TOM1: variants seen among roughly 807,000 people sequenced by gnomAD.
TOM1 encodes target of Myb protein 1.
A neutral mutation model predicts 61.3 loss-of-function variants in TOM1; 38 were observed. The observed-to-expected ratio is 0.62, with a 90% confidence interval of 0.48 to 0.81. The LOEUF is 0.81. Among genes scored for constraint, TOM1 ranks in the 40% least tolerant of loss-of-function variants. The probability of loss-of-function intolerance (pLI) is 0.00; values close to 1 mark genes in which losing one functional copy is unlikely to be tolerated. For missense variants in TOM1, 591 were observed against 659.6 expected, an observed-to-expected ratio of 0.90 and a Z score of 1.14; for synonymous variants, 270 against 268.8, an observed-to-expected ratio of 1.00 and a Z score of -0.04.
In TOM1 at chr22:35,333,435, T is replaced by A. The variant is rs1343137483; in HGVS notation, c.965T>A (p.Leu322Gln). 2.4e-5 allele frequency: 38 copies of A among 1,614,144 alleles called. No individual in the cohort carries two copies. The highest frequency in any genetic ancestry group is 3.2e-5 in the Non-Finnish European group (38 of 1,180,018). Residue 322 changes from leucine to glutamine, a missense_variant, in exon 10 of 15, where the codon CTG (leucine) becomes CAG (glutamine). Coordinates refer to ENST00000449058, the MANE Select transcript of TOM1 (RefSeq NM_005488.3). ...APSEAEPAAD[L>Q]IDMGPDPAAT... The stretch of plus-strand genomic sequence containing the variant: ...AGTGAGGCCGAGCCGGCAGCTGACC[T>A]GATCGACATGGGCCCTGACCCAGCA...
intron 1 of TOM1, among the ~76,000 whole-genome samples, chr22:35,303,971 AG>A (rs780102365): frequency 3.3e-5 from 5 of 152,220 alleles, no homozygotes; most frequent in Non-Finnish European, 7.3e-5. Context: ...GGAAGGAGGA[AG>A]GGAGAAAAGG....
In TOM1 at chr22:35,303,831, A is replaced by G. The variant is rs117934826; in HGVS notation, c.52+3851A>G. 9.1e-3 allele frequency among the ~76,000 whole-genome samples: 1,379 copies of G among 152,212 alleles called. 85 individuals are homozygous for G. In the East Asian group the frequency reaches 0.18, roughly 19 times the overall value. On this transcript the variant is annotated intron_variant, in intron 1 of 14. Coordinates refer to ENST00000449058, the MANE Select transcript of TOM1 (RefSeq NM_005488.3). ...TTATTTCTACCCTCATTATACTAAT[A>G]TGCCACCGTCCCACTCTGTTAGTGG...
intron 12 of TOM1, among the ~76,000 whole-genome samples, chr22:35,343,170 ACCTACACACAC>A (rs1930067435): frequency 9.8e-6 from 1 of 102,124 alleles, no homozygotes; most frequent in African/African-American, 3.9e-5. Flanking sequence ...CACACACCAC[ACCTACACACAC>A]CACACCTCCA....
chr22:35,334,085 C>T (rs1230683643), intron 10 of TOM1, among the ~76,000 whole-genome samples: 3 of 152,142 alleles, frequency 2.0e-5, no homozygotes, highest in African/African-American at 7.2e-5. Context: ...CAATGGATAG[C>T]GTTTTGACTG....
At chr22:35,337,452 G>A (rs763840152) in intron 11 of TOM1, among the ~76,000 whole-genome samples, 24 of 152,206 alleles carry the variant, frequency 1.6e-4, no homozygotes, top group African/African-American at 4.3e-4. Context: ...GGGCCCTGCC[G>A]TAGTCACTGG....
At chr22:35,310,259 T>A (rs1926704355) in intron 1 of TOM1, among the ~76,000 whole-genome samples, 1 of 151,902 alleles carries the variant, frequency 6.6e-6, no homozygotes, top group Non-Finnish European at 1.5e-5. Context: ...ACGTGGTACT[T>A]TTTAAAAGTA....
chr22:35,345,399 C>G (rs1601721784), intron 12 of TOM1: 1 of 429,662 alleles, frequency 2.3e-6, no homozygotes, highest in East Asian at 4.4e-5. Flanking sequence ...CTGCCCCAGG[C>G]CATTGCCCAA....
intron 1 of TOM1, among the ~76,000 whole-genome samples, chr22:35,309,258 C>T (rs1304676464): frequency 6.6e-6 from 1 of 152,112 alleles, no homozygotes; most frequent in East Asian, 1.9e-4. Flanking sequence ...GTTACCCAGG[C>T]TCACACAGCT....
chr22:35,311,332 A>G (rs573772789), intron 1 of TOM1, among the ~76,000 whole-genome samples: 11 of 152,250 alleles, frequency 7.2e-5, no homozygotes, highest in African/African-American at 2.7e-4. Context: ...AAACGCAACC[A>G]GCAGAGTCTG....
intron 1 of TOM1, 73 bp downstream of exon 1, chr22:35,300,053 G>C (rs2145590119): frequency 6.6e-7 from 1 of 1,523,778 alleles, no homozygotes; most frequent in Non-Finnish European, 8.9e-7. Flanking sequence ...GGAAGCCTCC[G>C]GGTGCCTAGT....
chr22:35,299,882 T>C, upstream of TOM1: 1 of 1,552,250 alleles, frequency 6.4e-7, no homozygotes, highest in Admixed American at 1.9e-5. Flanking sequence ...GCGCTGGCGG[T>C]TGCTGTCAGC....
At chr22:35,345,952 G>T (rs1005056533) in intron 13 of TOM1, among the ~76,000 whole-genome samples, 168 bp downstream of exon 13, 2 of 152,158 alleles carry the variant, frequency 1.3e-5, no homozygotes, top group African/African-American at 4.8e-5. Context: ...TGTTTGGCAC[G>T]CCCCCCAGAG....
chr22:35,305,298 A>G (rs951248427), intron 1 of TOM1, among the ~76,000 whole-genome samples: 2 of 152,190 alleles, frequency 1.3e-5, no homozygotes, highest in Non-Finnish European at 1.5e-5. Context: ...TCTGCTTCCC[A>G]GAGGATTGGT....
chr22:35,322,402 CA>C (rs1331236444), intron 3 of TOM1: 4 of 255,978 alleles, frequency 1.6e-5, no homozygotes, highest in Admixed American at 1.5e-4. Context: ...GGTGCTCTGG[CA>C]AATGAATGTA....
At chr22:35,304,449 A>G (rs1354567779) in intron 1 of TOM1, among the ~76,000 whole-genome samples, 1 of 152,196 alleles carries the variant, frequency 6.6e-6, no homozygotes, top group Non-Finnish European at 1.5e-5. Flanking sequence ...TATTCTCTGC[A>G]GACAAATCTT....
chr22:35,326,036 AC>A (rs1172480939), intron 6 of TOM1, among the ~76,000 whole-genome samples: 1 of 152,206 alleles, frequency 6.6e-6, no homozygotes, highest in Admixed American at 6.5e-5. Flanking sequence ...TAGTGGATAT[AC>A]TACTAGTCTC....
At chr22:35,343,691 ACACT>A (rs1007137559) in intron 12 of TOM1, among the ~76,000 whole-genome samples, 7 of 137,082 alleles carry the variant, frequency 5.1e-5, no homozygotes, top group Non-Finnish European at 1.6e-5. Flanking sequence ...CCACACCTAC[ACACT>A]CATACACCTA....
At position 35,343,925 on chromosome 22, in the gene TOM1, C is replaced by G. The variant is rs539397162; in HGVS notation, c.1225-1800C>G. On this transcript the variant is annotated intron_variant, in intron 12 of 14. Coordinates refer to ENST00000449058, the MANE Select transcript of TOM1 (RefSeq NM_005488.3). ...CACACACCCCTACACACACCACACA[C>G]ATCTACACACACCACCTACACACAC... Among the ~76,000 whole-genome samples, 6 of 150,420 alleles carry G rather than the reference C, an allele frequency of 4.0e-5. No individual in the cohort carries two copies. In the East Asian group the frequency reaches 1.2e-3, roughly 29 times the overall value.
intron 1 of TOM1, among the ~76,000 whole-genome samples, chr22:35,317,115 C>T (rs1171605728): frequency 6.6e-6 from 1 of 152,178 alleles, no homozygotes; most frequent in Admixed American, 6.5e-5. Context: ...TACCTAGCTC[C>T]ATTGTATACC....
Sources: gnomAD v4.1 joint callset for allele counts (sites outside exome capture counted in the v4.1 genomes callset) on GRCh38, gnomAD v4.1.1 for gene constraint, MANE v1.5 for transcripts, NCBI Gene and HGNC (gene_info 2026-07-23, HGNC 2026-07-21) for gene names.